Variants in KIF5B observed in about 807,000 individuals in gnomAD.
KIF5B encodes kinesin-1 heavy chain.
KIF5B carries 49 observed loss-of-function variants against 132.8 expected under a neutral mutation model. That is an observed-to-expected ratio of 0.37 (90% CI 0.29 to 0.47). The LOEUF (loss-of-function observed/expected upper bound fraction) is 0.47, where lower values mean the gene tolerates loss of function less well. Ranked by LOEUF, KIF5B falls within the 20% of genes least tolerant of loss-of-function variation. The probability of loss-of-function intolerance (pLI) is 1.00; values close to 1 mark genes in which losing one functional copy is unlikely to be tolerated. For missense variants in KIF5B, 780 were observed against 1,144.0 expected (o/e 0.68, Z 4.59); for synonymous variants, 355 against 369.4 (o/e 0.96, Z 0.45).
In KIF5B at chr10:32,044,394, G is replaced by A. The variant is rs114464354; in HGVS notation, c.215-3937C>T. On this transcript the variant is annotated intron_variant, in intron 2 of 25. Coordinates refer to ENST00000302418, the MANE Select transcript of KIF5B (RefSeq NM_004521.3). ...TCTAAGAAGACAGAGGACACATGCC[G>A]GGCGTGGTGGCTCACGCCTGTGATC... Among the ~76,000 whole-genome samples, 1,060 of 152,254 alleles carry A rather than the reference G, an allele frequency of 7.0e-3. 11 individuals carry two copies. The highest frequency in any genetic ancestry group is 0.024 in the African/African-American group (1,017 of 41,550).
intron 2 of KIF5B, among the ~76,000 whole-genome samples, chr10:32,046,804 A>C (rs1222114646): frequency 6.6e-6 from 1 of 152,122 alleles, no homozygotes; most frequent in Non-Finnish European, 1.5e-5. Flanking sequence ...CATAATCTCA[A>C]TTTCAAGTAG....
chr10:32,019,751 G>T, intron 20 of KIF5B, 107 bp downstream of exon 20: 1 of 661,162 alleles, frequency 1.5e-6, no homozygotes, highest in Non-Finnish European at 2.5e-6. Context: ...AAATCCTTTA[G>T]CCCATACAAA....
At position 32,021,005 on chromosome 10, in the gene KIF5B, A is replaced by T. The variant is rs779019361; in HGVS notation, c.2204+17T>A. On this transcript the variant is annotated intron_variant, in intron 19 of 25. Transcript: ENST00000302418. ...TAACCGATTCTTTCCTCCTAACTAG[A>T]GAAGTATAATACTTACTCTTGAAGA... is the stretch of plus-strand genomic sequence containing the variant. 7.3e-7 allele frequency: 1 copy of T among 1,360,754 alleles called. No homozygotes were observed. The highest frequency in any genetic ancestry group is 1.1e-6 in the Non-Finnish European group (1 of 951,940). 84.3% of individuals were successfully genotyped at this position (1,360,754 alleles called of 1,614,324 possible). A position where few individuals can be genotyped will look rare whatever the true frequency, so the allele number is the denominator to read the frequency against.
chr10:32,015,438 A>T, intron 25 of KIF5B, 71 bp downstream of exon 25: 10 of 1,242,830 alleles, frequency 8.0e-6, no homozygotes, highest in Non-Finnish European at 9.9e-6. Flanking sequence ...AGAATTTTTT[A>T]AAACCAAAAA....
chr10:32,054,879 T>C (rs895352267), intron 1 of KIF5B, among the ~76,000 whole-genome samples: 1 of 152,224 alleles, frequency 6.6e-6, no homozygotes, highest in Non-Finnish European at 1.5e-5. Flanking sequence ...CACTCAACTC[T>C]AGTTATGTTT....
At chr10:32,032,308 G>C (rs1040928543) in intron 13 of KIF5B, among the ~76,000 whole-genome samples, 2 of 152,146 alleles carry the variant, frequency 1.3e-5, no homozygotes, top group African/African-American at 4.8e-5. Context: ...AAGATGATCT[G>C]ACCAGGATTA....
chr10:32,035,209 A>T (rs1256240405), intron 10 of KIF5B, among the ~76,000 whole-genome samples: 1 of 152,200 alleles, frequency 6.6e-6, no homozygotes, highest in East Asian at 1.9e-4. Flanking sequence ...ATGCATGTCT[A>T]CAGGCTTAAC....
chr10:32,023,061 A>G, intron 15 of KIF5B, 25 bp from the exon 16 acceptor site: 1 of 1,433,916 alleles, frequency 7.0e-7, no homozygotes, highest in Non-Finnish European at 9.4e-7. Context: ...TAAAATAAAA[A>G]ATTAAAGCCA....
chr10:32,046,229 C>T (rs1484644292), intron 2 of KIF5B, among the ~76,000 whole-genome samples: 1 of 152,130 alleles, frequency 6.6e-6, no homozygotes, highest in Non-Finnish European at 1.5e-5. Context: ...GAATCGGTAA[C>T]TTTCTATTGG....
chr10:32,013,993 G>T (rs211395), intron 25 of KIF5B, among the ~76,000 whole-genome samples: 1 of 151,850 alleles, frequency 6.6e-6, no homozygotes, highest in African/African-American at 2.4e-5. Flanking sequence ...GCAAAATGTC[G>T]AAGTATAAAC....
rs563341750 is a variant in KIF5B at position 32,013,517 on chromosome 10, G to A, written c.*20+1992C>T. On this transcript the variant is annotated intron_variant, in intron 25 of 25. Transcript: ENST00000302418. ...TAAAGAGGGTGCTCATTCAAGATCA[G>A]AAGAGATTTAAGGGATAAAACTAAA... 3.3e-5 allele frequency among the ~76,000 whole-genome samples: 5 copies of A among 152,286 alleles called. No homozygotes were observed. The East Asian group carries it at 9.7e-4, about 29-fold the overall frequency.
chr10:32,033,698 A>G, intron 12 of KIF5B, 147 bp downstream of exon 12: 1 of 552,654 alleles, frequency 1.8e-6, no homozygotes, highest in South Asian at 2.7e-5. Context: ...TGTTAATACA[A>G]TAATTTTTAC....
chr10:32,045,687 A>G (rs544271545), intron 2 of KIF5B, among the ~76,000 whole-genome samples: 1 of 152,352 alleles, frequency 6.6e-6, no homozygotes, highest in Non-Finnish European at 1.5e-5. Flanking sequence ...AAATTTTATT[A>G]AGTAAAGACT....
intron 3 of KIF5B, among the ~76,000 whole-genome samples, chr10:32,039,754 C>A (rs1841507849): frequency 6.6e-6 from 1 of 152,156 alleles, no homozygotes; most frequent in Admixed American, 6.5e-5. Context: ...GTTCCTTCTA[C>A]TTCGAGGCAA....
At chr10:32,053,203 C>G (rs1841714966) in intron 1 of KIF5B, among the ~76,000 whole-genome samples, 1 of 152,082 alleles carries the variant, frequency 6.6e-6, no homozygotes, top group African/African-American at 2.4e-5. Context: ...GAAGATTTTA[C>G]CCACAGATTT....
rs1021461248 is a variant in KIF5B at position 32,017,165 on chromosome 10, T to C, written c.2739A>G (p.Arg913=). The change falls in exon 24 of 26, where the codon AGA becomes AGG. Residue 913 remains arginine, a synonymous_variant. Coordinates refer to ENST00000302418, the MANE Select transcript of KIF5B (RefSeq NM_004521.3). ...KEAVRSKNMA[R]RGHSAQIAKP... ...AACCAATCTGTGCAGAATGCCCTCT[T>C]CTGGCCATATTCTTTGACCTGACTG... The C allele has an allele frequency of 6.2e-7, 1 of 1,614,156 alleles. No homozygotes were observed. Among genetic ancestry groups the C allele is most frequent in the Non-Finnish European group, 8.5e-7 (1 of 1,179,952 alleles).
At chr10:32,037,190 T>C in intron 8 of KIF5B, 64 bp downstream of exon 8, 1 of 1,509,174 alleles carries the variant, frequency 6.6e-7, no homozygotes, top group Non-Finnish European at 9.0e-7. Context: ...CCTGCGTAAC[T>C]CCCAACTCAA....
chr10:32,040,286 A>T (rs1372802284), intron 3 of KIF5B, 98 bp downstream of exon 3: 6 of 765,072 alleles, frequency 7.8e-6, no homozygotes, highest in Non-Finnish European at 1.4e-5. Flanking sequence ...GGCAATAAAG[A>T]GTAAATTAAA....
rs1467540567 is a variant in KIF5B at position 32,021,146 on chromosome 10, G to T, written c.2095-15C>A. ...TCAACAGCTTGCTAAAATTTTGGGGGGGAAAAGGATGTTAAAGTCAGACTA... is the reference window on the plus strand; with the variant it reads ...TCAACAGCTTGCTAAAATTTTGGGGTGGAAAAGGATGTTAAAGTCAGACTA... On this transcript the variant is annotated splice_polypyrimidine_tract_variant and intron_variant, in intron 18 of 25. Transcript: ENST00000302418. The T allele has an allele frequency of 6.2e-7, 1 of 1,609,374 alleles. No homozygotes were observed. Among genetic ancestry groups the T allele is most frequent in the Non-Finnish European group, 8.5e-7 (1 of 1,176,090 alleles).
Sources: gnomAD v4.1 joint callset for allele counts (sites outside exome capture counted in the v4.1 genomes callset) on GRCh38, gnomAD v4.1.1 for gene constraint, MANE v1.5 for transcripts, NCBI Gene and HGNC (gene_info 2026-07-23, HGNC 2026-07-21) for gene names.